Variants in EIPR1 observed in about 807,000 individuals in gnomAD.
EIPR1 encodes EARP complex and GARP complex interacting protein 1, also known as EARP and GARP complex-interacting protein 1.
EIPR1 carries 25 observed loss-of-function variants against 48.1 expected under a neutral mutation model. That is an observed-to-expected ratio of 0.52 (90% CI 0.38 to 0.73). The LOEUF is 0.73. Ranked by LOEUF, EIPR1 falls within the 30% of genes least tolerant of loss-of-function variation. EIPR1 has a pLI of 0.00. For missense variants in EIPR1, 415 were observed against 506.2 expected (o/e 0.82, Z 1.73); for synonymous variants, 204 against 201.9 (o/e 1.01, Z -0.09).
At chr2:3,197,837 A>T (rs958598321) in intron 5 of EIPR1, among the ~76,000 whole-genome samples, 4 of 152,250 alleles carry the variant, frequency 2.6e-5, no homozygotes, top group Non-Finnish European at 5.9e-5. Context: ...TTAACTTTCA[A>T]ACCAGCTGTG....
chr2:3,364,836 G>C (rs1462400362), intron 1 of EIPR1, among the ~76,000 whole-genome samples: 2 of 152,074 alleles, frequency 1.3e-5, no homozygotes, highest in South Asian at 2.1e-4. Flanking sequence ...AAAATAGCAG[G>C]GTGGCTTGGA....
intron 3 of EIPR1, among the ~76,000 whole-genome samples, chr2:3,297,008 G>C (rs538002129): frequency 6.6e-6 from 1 of 151,296 alleles, no homozygotes; most frequent in South Asian, 2.1e-4. Flanking sequence ...TACTTCTCCC[G>C]GCACCCATCC....
chr2:3,348,880 A>C (rs552387997), intron 2 of EIPR1, among the ~76,000 whole-genome samples: 2 of 152,324 alleles, frequency 1.3e-5, no homozygotes, highest in South Asian at 4.1e-4. Flanking sequence ...TTGTCACAGA[A>C]GGCAGGGGCA....
intron 3 of EIPR1, among the ~76,000 whole-genome samples, chr2:3,330,770 G>C (rs1226012932): frequency 1.3e-5 from 2 of 151,834 alleles, no homozygotes; most frequent in African/African-American, 4.8e-5. Flanking sequence ...GGTGTGAGCA[G>C]AGGCAAGCGC....
At position 3,194,125 on chromosome 2, in the gene EIPR1, C is replaced by A; in HGVS notation, c.695G>T (p.Arg232Leu). Residue 232 changes from arginine to leucine, a missense_variant, in exon 7 of 9, where the codon CGG becomes CTG. By Grantham distance (102) the Arg-to-Leu change is moderately radical. Transcript: ENST00000382125. ...CIENAHGQLVRDLDFNPNKQY... is the reference protein window; with the variant it reads ...CIENAHGQLVLDLDFNPNKQY... ...CTTATTGGGATTAAAGTCAAGGTCCCGCACCAGCTGTCCGTGGGCATTCTC... is the reference window on the plus strand; with the variant it reads ...CTTATTGGGATTAAAGTCAAGGTCCAGCACCAGCTGTCCGTGGGCATTCTC... The A allele has an allele frequency of 6.2e-7, 1 of 1,613,904 alleles. No individual in the cohort carries two copies. Among genetic ancestry groups the A allele is most frequent in the Non-Finnish European group, 8.5e-7 (1 of 1,180,000 alleles).
intron 4 of EIPR1, among the ~76,000 whole-genome samples, chr2:3,235,225 T>C (rs1414885451): frequency 2.0e-5 from 3 of 152,138 alleles, no homozygotes; most frequent in African/African-American, 7.2e-5. Flanking sequence ...GCCAGATGAG[T>C]GCTACAAATG....
intron 3 of EIPR1, among the ~76,000 whole-genome samples, chr2:3,283,035 C>T (rs1298969427): frequency 1.3e-5 from 2 of 152,206 alleles, no homozygotes; most frequent in Non-Finnish European, 2.9e-5. Flanking sequence ...CTTTATTTTG[C>T]TTATTTATTC....
In EIPR1 at chr2:3,304,523, A is replaced by T. The variant is rs552316795; in HGVS notation, c.259+33494T>A. On this transcript the variant is annotated intron_variant, in intron 3 of 8. Coordinates refer to ENST00000382125, the MANE Select transcript of EIPR1 (RefSeq NM_003310.5). ...TCAGTTCAGCCCTCCACTCCCGTCCAGTTCAACCCTCCAATCCCATCCAGT... is the reference window on the plus strand; with the variant it reads ...TCAGTTCAGCCCTCCACTCCCGTCCTGTTCAACCCTCCAATCCCATCCAGT... Among the ~76,000 whole-genome samples the T allele has an allele frequency of 7.2e-3, 37 of 5,174 alleles. 9 individuals carry two copies. Among genetic ancestry groups the T allele is most frequent in the Admixed American group, 0.011 (6 of 562 alleles). The allele number at this position is 5,174 out of a possible 152,430, so 3.4% of individuals were successfully genotyped here. A position where few individuals can be genotyped will look rare whatever the true frequency, so the allele number is the denominator to read the frequency against.
chr2:3,206,451 T>G (rs1665239234), intron 5 of EIPR1, among the ~76,000 whole-genome samples: 1 of 152,106 alleles, frequency 6.6e-6, no homozygotes, highest in Admixed American at 6.5e-5. Flanking sequence ...CGCATGAGAG[T>G]CTGCATTGTG....
At chr2:3,369,981 C>G (rs999365280) in intron 1 of EIPR1, among the ~76,000 whole-genome samples, 1 of 145,316 alleles carries the variant, frequency 6.9e-6, no homozygotes, top group Non-Finnish European at 1.5e-5. Flanking sequence ...AACTGGGAGG[C>G]ACCCCCCCCG....
Position 3,318,559 on chromosome 2 carries a change from G to C in EIPR1, c.259+19458C>G, listed in dbSNP as rs185639186. On this transcript the variant is annotated intron_variant, in intron 3 of 8. Coordinates refer to ENST00000382125, the MANE Select transcript of EIPR1 (RefSeq NM_003310.5). ...GAACGCAAGAAACAACACAGGAGTCGGCCTCGAAAAAATGGCCCACTATTC... is the reference window on the plus strand; with the variant it reads ...GAACGCAAGAAACAACACAGGAGTCCGCCTCGAAAAAATGGCCCACTATTC... Among the ~76,000 whole-genome samples, 356 of 152,178 alleles carry C rather than the reference G, an allele frequency of 2.3e-3. 1 individual carries two copies. Among genetic ancestry groups the C allele is most frequent in the African/African-American group, 8.4e-3 (347 of 41,516 alleles).
At chr2:3,203,991 T>A (rs1018969101) in intron 5 of EIPR1, among the ~76,000 whole-genome samples, 3 of 152,206 alleles carry the variant, frequency 2.0e-5, no homozygotes, top group African/African-American at 4.8e-5. Flanking sequence ...TGTGCTTGGA[T>A]TCCAGGTTAT....
At chr2:3,202,414 AAAGACCAACT>A (rs1477094187) in intron 5 of EIPR1, among the ~76,000 whole-genome samples, 1 of 152,262 alleles carries the variant, frequency 6.6e-6, no homozygotes, top group Non-Finnish European at 1.5e-5. Context: ...ATACAGTAAA[AAAGACCAACT>A]AGCAGATATA....
At chr2:3,252,535 G>A (rs1049718556) in intron 4 of EIPR1, among the ~76,000 whole-genome samples, 1 of 152,210 alleles carries the variant, frequency 6.6e-6, no homozygotes, top group African/African-American at 2.4e-5. Context: ...AGGTTGCAGT[G>A]AGCTGAAATC....
intron 3 of EIPR1, among the ~76,000 whole-genome samples, chr2:3,266,066 T>G (rs1275505328): frequency 6.6e-6 from 1 of 152,236 alleles, no homozygotes; most frequent in Non-Finnish European, 1.5e-5. Context: ...TATTCGCGAC[T>G]GCCAACTGCA....
chr2:3,320,891 G>A (rs1669505977), intron 3 of EIPR1, among the ~76,000 whole-genome samples: 1 of 152,104 alleles, frequency 6.6e-6, no homozygotes, highest in African/African-American at 2.4e-5. Context: ...GAGAAGATAG[G>A]TCACCTGACT....
chr2:3,299,317 G>A (rs368983904), intron 3 of EIPR1, among the ~76,000 whole-genome samples: 13 of 151,900 alleles, frequency 8.6e-5, no homozygotes, highest in Middle Eastern at 3.4e-3. Context: ...CCCTGGGTCA[G>A]CTCACTGTCC....
intron 4 of EIPR1, 135 bp from the exon 5 acceptor site, chr2:3,214,383 C>T (rs1313731539): frequency 1.4e-6 from 1 of 730,882 alleles, no homozygotes; most frequent in Non-Finnish European, 2.2e-6. Context: ...ATTTTTTACA[C>T]TGTCACCCGG....
At chr2:3,262,747 T>C (rs573073834) in intron 3 of EIPR1, among the ~76,000 whole-genome samples, 3 of 152,352 alleles carry the variant, frequency 2.0e-5, no homozygotes, top group Admixed American at 2.0e-4. Flanking sequence ...GAACCATGTC[T>C]TTTGATAAAC....
Sources: allele counts gnomAD v4.1 joint callset (sites outside exome capture counted in the v4.1 genomes callset), GRCh38; gene constraint gnomAD v4.1.1; transcripts MANE v1.5; gene names NCBI Gene and HGNC (gene_info 2026-07-23, HGNC 2026-07-21).